Variants in GPHN observed in about 807,000 individuals in gnomAD.
GPHN encodes gephyrin.
GPHN carries 17 observed loss-of-function variants against 95.5 expected under a neutral mutation model. That is an observed-to-expected ratio of 0.18 (90% CI 0.12 to 0.27). The LOEUF (loss-of-function observed/expected upper bound fraction) is 0.27. Ranked by LOEUF, GPHN falls within the 10% of genes least tolerant of loss-of-function variation. The pLI is 1.00. For missense variants in GPHN, 660 were observed against 978.1 expected, an observed-to-expected ratio of 0.67 and a Z score of 4.34; for synonymous variants, 320 against 322.5, an observed-to-expected ratio of 0.99 and a Z score of 0.08.
At chr14:67,323,615 A>AATATATATATATATATATATAT in the GPHN span, 384 of 260,090 alleles carry the variant, frequency 1.5e-3, 1 homozygote, top group Non-Finnish European at 2.1e-3. Flanking sequence ...CCCTTAATCT[A>AATATATATATATATATATATAT]ATATATATAT....
the GPHN span, chr14:67,398,098 A>G: frequency 3.2e-6 from 1 of 314,022 alleles, no homozygotes; most frequent in Non-Finnish European, 5.8e-6. Context: ...CTGTAATCCT[A>G]CTGCTAGGAG....
intron 1 of GPHN, among the ~76,000 whole-genome samples, chr14:66,592,110 G>A (rs959013196): frequency 3.3e-5 from 5 of 152,082 alleles, no homozygotes; most frequent in Non-Finnish European, 7.4e-5. Context: ...ATGCATAAAA[G>A]TGAAACTAGA....
the GPHN span, chr14:67,579,456 C>A: frequency 1.4e-6 from 1 of 730,158 alleles, no homozygotes; most frequent in Non-Finnish European, 2.2e-6. Flanking sequence ...AACAGGGAAG[C>A]TGAGATGCTG....
At chr14:67,651,442 T>A in the GPHN span, 1 of 1,613,912 alleles carries the variant, frequency 6.2e-7, no homozygotes, top group Non-Finnish European at 8.5e-7. Flanking sequence ...CGAGCTCCAG[T>A]AAGATGATAA....
the GPHN span, among the ~76,000 whole-genome samples, chr14:67,329,473 T>G: frequency 6.6e-6 from 1 of 152,160 alleles, no homozygotes; most frequent in South Asian, 2.1e-4. Context: ...CTTTATTTCT[T>G]TCTCCTGCCT....
At chr14:67,264,473 T>C in the GPHN span, among the ~76,000 whole-genome samples, 1 of 152,172 alleles carries the variant, frequency 6.6e-6, no homozygotes, top group African/African-American at 2.4e-5. Context: ...TATTTTTTCA[T>C]GTGTTTTCTT....
the GPHN span, chr14:67,616,702 T>G: frequency 6.6e-6 from 1 of 151,026 alleles, no homozygotes; most frequent in Admixed American, 6.6e-5. Flanking sequence ...TTTTTTTAAA[T>G]ATTTGCATAT....
At chr14:66,513,765 A>G (rs74763976) in intron 1 of GPHN, among the ~76,000 whole-genome samples, 1,838 of 151,980 alleles carry the variant, frequency 0.012, 19 homozygotes, top group Non-Finnish European at 0.018. Context: ...CAAAAAGGAA[A>G]TGTTTAATGA....
At chr14:67,325,654 T>C in the GPHN span, among the ~76,000 whole-genome samples, 5 of 152,206 alleles carry the variant, frequency 3.3e-5, no homozygotes, top group Non-Finnish European at 7.3e-5. Context: ...GGATGCGCAC[T>C]AAGGACCAGA....
the GPHN span, among the ~76,000 whole-genome samples, chr14:67,689,505 G>T: frequency 6.6e-6 from 1 of 152,086 alleles, no homozygotes; most frequent in Non-Finnish European, 1.5e-5. Flanking sequence ...TTAGTCTACT[G>T]CCTTTATCTA....
chr14:67,205,107 C>T, the GPHN span: 10 of 1,536,302 alleles, frequency 6.5e-6, no homozygotes, highest in Admixed American at 1.4e-4. Context: ...TCACTGAAGA[C>T]TTTCATGCTT....
chr14:67,586,081 G>A, the GPHN span: 25 of 1,613,836 alleles, frequency 1.5e-5, 1 homozygote, highest in South Asian at 8.8e-5. Context: ...TTGATCTTCC[G>A]GATGGCTGCT....
chr14:67,400,056 G>T, the GPHN span, among the ~76,000 whole-genome samples: 1,823 of 152,204 alleles, frequency 0.012, 18 homozygotes, highest in Non-Finnish European at 0.018. Flanking sequence ...TCAATCTCTG[G>T]TGCTATGATT....
Position 66,903,677 on chromosome 14 carries a change from C to T in GPHN, c.390-12326C>T, listed in dbSNP as rs1360943792. On this transcript the variant is annotated intron_variant, in intron 5 of 22. Coordinates refer to ENST00000478722, the MANE Select transcript of GPHN (RefSeq NM_020806.5). ...ATTGATAAGTAAGGACTTACTCCTG[C>T]CATTTGTCATTTGTTTTCTGGTTGT... 3.3e-5 allele frequency among the ~76,000 whole-genome samples: 5 copies of T among 152,210 alleles called. No individual in the cohort carries two copies. The East Asian group carries it at 5.8e-4, about 18-fold the overall frequency.
At chr14:66,664,556 T>C (rs112309073) in intron 1 of GPHN, among the ~76,000 whole-genome samples, 3 of 152,102 alleles carry the variant, frequency 2.0e-5, no homozygotes, top group African/African-American at 7.2e-5. Context: ...AACAACCTAA[T>C]GTCACAATGA....
chr14:66,553,363 C>A (rs923552140), intron 1 of GPHN, among the ~76,000 whole-genome samples: 2 of 152,022 alleles, frequency 1.3e-5, no homozygotes, highest in East Asian at 3.9e-4. Context: ...AAATATTCTG[C>A]CCCAGTCTCA....
intron 21 of GPHN, among the ~76,000 whole-genome samples, chr14:67,173,795 C>A (rs926177366): frequency 6.6e-6 from 1 of 151,814 alleles, no homozygotes; most frequent in Non-Finnish European, 1.5e-5. Context: ...AAAATATATA[C>A]AGACAAGTCA....
chr14:66,638,236 C>G (rs1393447664), intron 1 of GPHN, among the ~76,000 whole-genome samples: 1 of 152,064 alleles, frequency 6.6e-6, no homozygotes, highest in African/African-American at 2.4e-5. Flanking sequence ...GAGTTCGAGA[C>G]CAGCCTGGCC....
At chr14:67,494,561 C>A in the GPHN span, among the ~76,000 whole-genome samples, 1 of 152,156 alleles carries the variant, frequency 6.6e-6, no homozygotes, top group South Asian at 2.1e-4. Context: ...CCAGGCCAAT[C>A]GGCCCCGCCC....
Sources: allele counts gnomAD v4.1 joint callset (sites outside exome capture counted in the v4.1 genomes callset), GRCh38; gene constraint gnomAD v4.1.1; transcripts MANE v1.5; gene names NCBI Gene and HGNC (gene_info 2026-07-23, HGNC 2026-07-21).